The following CNOT1 variants were observed in gnomAD, a reference collection of about 807,000 sequenced individuals.
CNOT1 encodes CCR4-NOT transcription complex subunit 1.
A neutral mutation model predicts 273.8 loss-of-function variants in CNOT1; 15 were observed. The observed-to-expected ratio is 0.05, with a 90% CI of 0.04 to 0.08. The LOEUF (loss-of-function observed/expected upper bound fraction) is 0.08. Among genes scored for constraint, CNOT1 ranks in the 10% least tolerant of loss-of-function variants. The pLI is 1.00. For missense variants in CNOT1, 1,644 were observed against 2,912.2 expected (o/e 0.56, Z 10.02); for synonymous variants, 1,022 against 1,005.5 (o/e 1.02, Z -0.31).
chr16:58,586,772 C>T (rs762716257), intron 6 of CNOT1, 24 bp from the exon 7 acceptor site: 19 of 1,609,156 alleles, frequency 1.2e-5, no homozygotes, highest in Non-Finnish European at 1.4e-5. Flanking sequence ...AAACCAAAAA[C>T]CGCAAGTTAC....
intron 8 of CNOT1, among the ~76,000 whole-genome samples, chr16:58,583,960 A>T (rs193132770): frequency 4.2e-4 from 64 of 151,854 alleles, no homozygotes; most frequent in Admixed American, 4.2e-3. Flanking sequence ...CGAGGTCAGG[A>T]GATCAAGACC....
At chr16:58,598,397 CAA>C (rs869048108) in intron 2 of CNOT1, among the ~76,000 whole-genome samples, 34,849 of 85,148 alleles carry the variant, frequency 0.41, 4,867 homozygotes, top group Non-Finnish European at 0.48. Context: ...GACTCCATCT[CAA>C]AAAAAAAAAA....
Position 58,587,206 on chromosome 16 carries a change from C to A in CNOT1, c.428G>T (p.Gly143Val). ...LLNSSSSDLR[G>V]FAAQFIKQKL... Reference sequence around the variant, plus strand: ...TTTTGGAAAAAGTAACTCACCGAAACCTCTAAGATCTGAGCTGGAAGAATT... The same window carrying A: ...TTTTGGAAAAAGTAACTCACCGAAAACTCTAAGATCTGAGCTGGAAGAATT... Residue 143 changes from glycine (G) to valine (V), a missense_variant, in exon 6 of 49, where the codon GGT becomes GTT. By Grantham distance (109) the Gly-to-Val change is moderately radical. This residue lies in a region of CNOT1 where 706 missense variants were observed against 1,021.2 expected (regional missense o/e 0.69). Transcript: ENST00000317147. 1 of 1,612,662 alleles carries A rather than the reference C, an allele frequency of 6.2e-7. No individual in the cohort carries two copies. Among genetic ancestry groups the A allele is most frequent in the South Asian group, 1.1e-5 (1 of 90,848 alleles).
At chr16:58,543,232 G>A (rs1323442930) in intron 31 of CNOT1, 2 of 1,536,288 alleles carry the variant, frequency 1.3e-6, no homozygotes, top group African/African-American at 1.4e-5. Flanking sequence ...AAAAGTGTGT[G>A]CACATGCAAC....
At chr16:58,620,571 A>C (rs980793436) in intron 1 of CNOT1, among the ~76,000 whole-genome samples, 1 of 147,638 alleles carries the variant, frequency 6.8e-6, no homozygotes, top group Non-Finnish European at 1.5e-5. Flanking sequence ...TTGAACCCGG[A>C]AGGAGGTGGT....
chr16:58,538,944 T>C (rs748849861), intron 35 of CNOT1, 30 bp from the exon 36 acceptor site: 1 of 1,605,858 alleles, frequency 6.2e-7, no homozygotes, highest in East Asian at 2.2e-5. Flanking sequence ...TTCAAAACCA[T>C]GAAAAATACA....
At chr16:58,627,175 G>T (rs1318052353) in intron 1 of CNOT1, among the ~76,000 whole-genome samples, 1 of 152,094 alleles carries the variant, frequency 6.6e-6, no homozygotes, top group Non-Finnish European at 1.5e-5. Flanking sequence ...TTGGGAGGGT[G>T]AGGCGGGTGG....
intron 12 of CNOT1, 144 bp downstream of exon 12, chr16:58,580,489 C>T: frequency 7.8e-7 from 1 of 1,288,830 alleles, no homozygotes; most frequent in Non-Finnish European, 1.0e-6. Flanking sequence ...TACCAACCCC[C>T]TCTATAAATA....
chr16:58,570,415 T>C (rs1286505537), intron 16 of CNOT1, among the ~76,000 whole-genome samples: 1 of 152,052 alleles, frequency 6.6e-6, no homozygotes, highest in African/African-American at 2.4e-5. Context: ...AAACGGGAGA[T>C]CAGTTTGAGC....
At chr16:58,609,993 G>C (rs2042835299) in intron 1 of CNOT1, among the ~76,000 whole-genome samples, 1 of 151,948 alleles carries the variant, frequency 6.6e-6, no homozygotes. Flanking sequence ...ACTCACTTCA[G>C]GTATTATAGA....
chr16:58,574,069 A>C (rs945448618), intron 16 of CNOT1, among the ~76,000 whole-genome samples: 1 of 151,942 alleles, frequency 6.6e-6, no homozygotes, highest in Non-Finnish European at 1.5e-5. Flanking sequence ...CGGGCAACAT[A>C]CTGAAACCTC....
intron 2 of CNOT1, among the ~76,000 whole-genome samples, chr16:58,591,631 G>A (rs1480751875): frequency 6.6e-6 from 1 of 151,894 alleles, no homozygotes; most frequent in Non-Finnish European, 1.5e-5. Context: ...GCATGCTCCT[G>A]TAATCCCAGC....
At position 58,587,226 on chromosome 16, in the gene CNOT1, A is replaced by G; in HGVS notation, c.408T>C (p.Ser136=). 6.2e-7 allele frequency: 1 copy of G among 1,613,800 alleles called. No individual in the cohort carries two copies. The highest frequency in any genetic ancestry group is 8.5e-7 in the Non-Finnish European group (1 of 1,179,924). Residue 136 remains serine (S), a synonymous_variant, in exon 6 of 49, where the codon TCT becomes TCC. Coordinates refer to ENST00000317147, the MANE Select transcript of CNOT1 (RefSeq NM_016284.5). The part of the protein sequence containing the change: ...EVIFGLALLN[S]SSSDLRGFAA... ...CGAAACCTCTAAGATCTGAGCTGGAAGAATTCAACAGGGCAAGGCCAAAAA... is the reference window on the plus strand; with the variant it reads ...CGAAACCTCTAAGATCTGAGCTGGAGGAATTCAACAGGGCAAGGCCAAAAA...
chr16:58,564,104 T>C (rs909660499), intron 16 of CNOT1, among the ~76,000 whole-genome samples: 2 of 152,206 alleles, frequency 1.3e-5, no homozygotes, highest in Non-Finnish European at 2.9e-5. Flanking sequence ...AAGTTGCATA[T>C]TATCTCTTCT....
chr16:58,561,921 T>A (rs1327360158), intron 16 of CNOT1, among the ~76,000 whole-genome samples: 1 of 152,114 alleles, frequency 6.6e-6, no homozygotes, highest in Non-Finnish European at 1.5e-5. Flanking sequence ...ATGCCTATAA[T>A]CCTAGCACTC....
At position 58,553,868 on chromosome 16, in the gene CNOT1, C is replaced by T; in HGVS notation, c.2892-8G>A. ...TGGGGATAGTCCTTCAATCTGCCAACAAAATTATTCTACCATCATTTCATG... is the reference window on the plus strand; with the variant it reads ...TGGGGATAGTCCTTCAATCTGCCAATAAAATTATTCTACCATCATTTCATG... On this transcript the variant is annotated splice_region_variant and splice_polypyrimidine_tract_variant and intron_variant, in intron 21 of 48. Transcript: ENST00000317147. The T allele has an allele frequency of 6.2e-7, 1 of 1,604,244 alleles. No homozygotes were observed. The highest frequency in any genetic ancestry group is 8.5e-7 in the Non-Finnish European group (1 of 1,177,410).
chr16:58,616,638 T>C (rs1042560862), intron 1 of CNOT1, among the ~76,000 whole-genome samples: 8 of 152,194 alleles, frequency 5.3e-5, no homozygotes, highest in East Asian at 3.8e-4. Context: ...CTACCCATCA[T>C]AGTGCTTATT....
In CNOT1 at chr16:58,580,705, T is replaced by A. The variant is rs1457701750; in HGVS notation, c.1271A>T (p.Tyr424Phe). 6 of 1,613,402 alleles carry A rather than the reference T, an allele frequency of 3.7e-6. No individual in the cohort carries two copies. Among genetic ancestry groups the A allele is most frequent in the Middle Eastern group, 1.6e-4 (1 of 6,076 alleles). Reference protein sequence around the residue: ...INPEIFCFADYPCHTVATDIL... With the variant: ...INPEIFCFADFPCHTVATDIL... ...ATCAGTGGCAACAGTATGACAGGGA[T>A]AGTCAGCAAAACAGAAGATCTCTGG... The change falls in exon 12 of 49, where the codon TAT (tyrosine) becomes TTT (phenylalanine). Residue 424 changes from tyrosine to phenylalanine, a missense_variant. By Grantham distance (22) the Tyr-to-Phe change is conservative. Transcript: ENST00000317147.
chr16:58,559,800 G>C, intron 17 of CNOT1: 1 of 518,406 alleles, frequency 1.9e-6, no homozygotes, highest in Non-Finnish European at 3.9e-6. Flanking sequence ...TAACTTAAAT[G>C]TACCTTGTTT....
Sources: gnomAD v4.1 joint callset for allele counts (sites outside exome capture counted in the v4.1 genomes callset) on GRCh38, gnomAD v4.1.1 for gene constraint, gnomAD v4.1.1 regional missense constraint, MANE v1.5 for transcripts, NCBI Gene and HGNC (gene_info 2026-07-23, HGNC 2026-07-21) for gene names.